KCNAB1: variants seen among roughly 807,000 people sequenced by gnomAD.
The protein encoded by KCNAB1 is voltage-gated potassium channel subunit beta-1.
In KCNAB1, 35 loss-of-function variants were observed where a neutral mutation model predicts 64.6. The ratio of observed to expected loss-of-function variants is 0.54; its 90% CI spans 0.41 to 0.72. The LOEUF is 0.72. Ranked by LOEUF, KCNAB1 falls within the 30% of genes least tolerant of loss-of-function variation. KCNAB1 has a pLI of 0.00. For missense variants in KCNAB1, 401 were observed against 512.9 expected, an observed-to-expected ratio of 0.78 and a Z score of 2.11; for synonymous variants, 177 against 183.8, an observed-to-expected ratio of 0.96 and a Z score of 0.30.
intron 1 of KCNAB1, among the ~76,000 whole-genome samples, chr3:156,386,913 T>G (rs1712639515): frequency 6.6e-6 from 1 of 152,126 alleles, no homozygotes; most frequent in Non-Finnish European, 1.5e-5. Flanking sequence ...CAGCTTCCCT[T>G]TCATGTCAGC....
rs541844438 is a variant in KCNAB1 at position 156,415,234 on chromosome 3, G to A, written c.276-6382G>A. 7.5e-4 allele frequency among the ~76,000 whole-genome samples: 114 copies of A among 152,218 alleles called. 2 individuals are homozygous for A. The highest frequency in any genetic ancestry group is 2.6e-3 in the African/African-American group (108 of 41,528). On this transcript the variant is annotated intron_variant, in intron 1 of 13. Coordinates refer to ENST00000490337, the MANE Select transcript of KCNAB1 (RefSeq NM_172160.3). ...AACCAGATTCAGTGTTTAAAATAGC[G>A]CTTTTCCTAAGAAATAAGAAAGGCA... is the stretch of plus-strand genomic sequence containing the variant.
In KCNAB1 at chr3:156,538,151, T is replaced by C. The variant is rs1213654030; in HGVS notation, c.*1404T>C. 1 of 152,072 alleles carries C rather than the reference T, an allele frequency of 6.6e-6. No individual in the cohort carries two copies. The highest frequency in any genetic ancestry group is 1.5e-5 in the Non-Finnish European group (1 of 68,004). 9.4% of individuals were successfully genotyped at this position (152,072 alleles called of 1,614,324 possible). On this transcript the variant is annotated 3_prime_UTR_variant, in exon 14 of 14. Transcript: ENST00000490337. ...AAAAGAGAGAAAACATGTTTTGTTT[T>C]TTTTTGAAGGGGGTGGTGTGGGAGT...
At chr3:156,153,731 AAC>A (rs1471014708) in intron 1 of KCNAB1, among the ~76,000 whole-genome samples, 1 of 152,244 alleles carries the variant, frequency 6.6e-6, no homozygotes, top group African/African-American at 2.4e-5. Flanking sequence ...GTTGAACTGA[AAC>A]ATCAGCTCTT....
chr3:156,423,065 A>G (rs1176748898), intron 2 of KCNAB1, among the ~76,000 whole-genome samples: 1 of 152,160 alleles, frequency 6.6e-6, no homozygotes, highest in Non-Finnish European at 1.5e-5. Flanking sequence ...TTTGGGTGGA[A>G]TGGTAGAGTT....
intron 1 of KCNAB1, among the ~76,000 whole-genome samples, chr3:156,297,912 T>G (rs1161621560): frequency 5.9e-5 from 9 of 152,066 alleles, no homozygotes; most frequent in Non-Finnish European, 7.4e-5. Context: ...TTGATTTTAG[T>G]CCAGAAAAAA....
At chr3:156,194,223 T>G (rs1221168370) in intron 1 of KCNAB1, among the ~76,000 whole-genome samples, 1 of 152,122 alleles carries the variant, frequency 6.6e-6, no homozygotes, top group Non-Finnish European at 1.5e-5. Flanking sequence ...ATTTGTTGTT[T>G]TTTTTTTGTT....
At chr3:156,367,171 CTTTTTT>C (rs9331286) in intron 1 of KCNAB1, among the ~76,000 whole-genome samples, 4 of 118,418 alleles carry the variant, frequency 3.4e-5, no homozygotes, top group African/African-American at 1.4e-4. Flanking sequence ...AGTAATCTAC[CTTTTTT>C]TTTTTTTTTT....
chr3:156,157,852 T>C (rs1344085630), intron 1 of KCNAB1, among the ~76,000 whole-genome samples: 5 of 152,122 alleles, frequency 3.3e-5, no homozygotes, highest in East Asian at 3.9e-4. Flanking sequence ...GATTATTTTT[T>C]TTCCTTTCCT....
intron 1 of KCNAB1, among the ~76,000 whole-genome samples, chr3:156,123,826 T>A (rs570473397): frequency 6.6e-6 from 1 of 152,338 alleles, no homozygotes; most frequent in Admixed American, 6.5e-5. Flanking sequence ...AAAAAAGTAT[T>A]GTTTTTGAAT....
chr3:156,351,005 T>TAGTGAA (rs1336949634), intron 1 of KCNAB1, among the ~76,000 whole-genome samples: 1 of 152,182 alleles, frequency 6.6e-6, no homozygotes, highest in Non-Finnish European at 1.5e-5. Flanking sequence ...GGGAGGGACG[T>TAGTGAA]AGTGAACGGA....
chr3:156,140,856 TC>T (rs753385945), intron 1 of KCNAB1, among the ~76,000 whole-genome samples: 4 of 152,134 alleles, frequency 2.6e-5, no homozygotes, highest in Non-Finnish European at 5.9e-5. Context: ...TGGGAAGAAT[TC>T]CTAGAGGAGG....
intron 4 of KCNAB1, among the ~76,000 whole-genome samples, chr3:156,458,609 G>A (rs1433005972): frequency 6.6e-6 from 1 of 152,178 alleles, no homozygotes; most frequent in Non-Finnish European, 1.5e-5. Flanking sequence ...AGGAGGTTCA[G>A]AGCTCACATT....
At chr3:156,329,034 A>G (rs1723163654) in intron 1 of KCNAB1, among the ~76,000 whole-genome samples, 1 of 152,202 alleles carries the variant, frequency 6.6e-6, no homozygotes, top group Non-Finnish European at 1.5e-5. Context: ...GTGGGAAGTT[A>G]CAGTGCGGTT....
intron 1 of KCNAB1, among the ~76,000 whole-genome samples, chr3:156,225,352 T>C (rs1716082682): frequency 6.6e-6 from 1 of 152,164 alleles, no homozygotes; most frequent in Admixed American, 6.5e-5. Flanking sequence ...AGAAAAAGCA[T>C]TTGACAAAAA....
At chr3:156,393,747 T>TAG (rs1206225161) in intron 1 of KCNAB1, among the ~76,000 whole-genome samples, 1 of 152,156 alleles carries the variant, frequency 6.6e-6, no homozygotes, top group East Asian at 1.9e-4. Context: ...TCCCTCTTTC[T>TAG]AGGGAGGGTT....
chr3:156,390,605 C>CG (rs1469683274), intron 1 of KCNAB1, among the ~76,000 whole-genome samples: 1 of 151,408 alleles, frequency 6.6e-6, no homozygotes, highest in Non-Finnish European at 1.5e-5. Context: ...CTTCTTGAGA[C>CG]GGAGTCTCGC....
intron 1 of KCNAB1, among the ~76,000 whole-genome samples, chr3:156,357,161 A>G (rs9854839): frequency 0.012 from 1,067 of 89,414 alleles, 6 homozygotes; most frequent in East Asian, 0.026. Flanking sequence ...ATGTGCGCGC[A>G]CACACACACA....
At chr3:156,509,436 G>T (rs1717039686) in intron 8 of KCNAB1, among the ~76,000 whole-genome samples, 1 of 152,136 alleles carries the variant, frequency 6.6e-6, no homozygotes, top group Non-Finnish European at 1.5e-5. Context: ...GAGACCATTG[G>T]TGTAGACAAG....
At chr3:156,430,485 G>C (rs1559880772) in intron 2 of KCNAB1, among the ~76,000 whole-genome samples, 1 of 152,200 alleles carries the variant, frequency 6.6e-6, no homozygotes, top group Non-Finnish European at 1.5e-5. Flanking sequence ...TCTAGGCCCA[G>C]ATCTGGGCAA....
Sources: gnomAD v4.1 joint callset for allele counts (sites outside exome capture counted in the v4.1 genomes callset) on GRCh38, gnomAD v4.1.1 for gene constraint, MANE v1.5 for transcripts, NCBI Gene and HGNC (gene_info 2026-07-23, HGNC 2026-07-21) for gene names.